The following DEK variants were observed in gnomAD, a reference collection of about 807,000 sequenced individuals.
DEK encodes the protein DEK proto-oncogene.
Under a neutral mutation model 46.8 loss-of-function variants are expected in DEK, and 28 were observed. The ratio of observed to expected loss-of-function variants is 0.60; its 90% CI spans 0.44 to 0.82. The LOEUF (loss-of-function observed/expected upper bound fraction) is 0.82, where lower values mean the gene tolerates loss of function less well. Among genes scored for constraint, DEK ranks in the 40% least tolerant of loss-of-function variants. The pLI is 0.00. For synonymous variants in DEK, 160 were observed against 144.5 expected (o/e 1.11, Z -0.77); for missense variants, 416 against 430.6 (o/e 0.97, Z 0.30).
At chr6:18,250,568 C>CTTTT (rs70974716) in intron 6 of DEK, among the ~76,000 whole-genome samples, 12 of 62,846 alleles carry the variant, frequency 1.9e-4, no homozygotes, top group Admixed American at 7.8e-4. Flanking sequence ...GGAGAAAAAC[C>CTTTT]TTTTTTTTTT....
intron 7 of DEK, among the ~76,000 whole-genome samples, chr6:18,245,636 G>T (rs1298312601): frequency 6.6e-6 from 1 of 152,196 alleles, no homozygotes; most frequent in African/African-American, 2.4e-5. Context: ...TGTTAGAATT[G>T]TTTTCTCCAA....
intron 9 of DEK, among the ~76,000 whole-genome samples, chr6:18,228,707 CG>C (rs1482145203): frequency 6.6e-6 from 1 of 152,210 alleles, no homozygotes; most frequent in Non-Finnish European, 1.5e-5. Context: ...TCTTAGCAAA[CG>C]GGACACCAGG....
chr6:18,227,984 A>C (rs1790214210), intron 9 of DEK, among the ~76,000 whole-genome samples: 1 of 152,098 alleles, frequency 6.6e-6, no homozygotes, highest in Non-Finnish European at 1.5e-5. Context: ...TGTACTCCTA[A>C]AATTTGACTA....
intron 6 of DEK, among the ~76,000 whole-genome samples, chr6:18,251,684 G>C (rs1791380510): frequency 6.6e-6 from 1 of 152,152 alleles, no homozygotes; most frequent in African/African-American, 2.4e-5. Context: ...TTCTTTGATA[G>C]CACCGTTTGG....
rs141468343 is a variant in DEK at position 18,247,880 on chromosome 6, G to A, written c.762+1771C>T. 3.8e-3 allele frequency among the ~76,000 whole-genome samples: 579 copies of A among 152,056 alleles called. 7 individuals carry two copies. The highest frequency in any genetic ancestry group is 0.013 in the African/African-American group (553 of 41,488). ...AGAGGCAGGGTTTCACCATGTTGGT[G>A]AGGCTGGTCTCGAACTCCTGACCTC... On this transcript the variant is annotated intron_variant, in intron 7 of 10. Transcript: ENST00000652689.
rs766583122 is a variant in DEK, at chr6:18,237,474, C to G, written c.805G>C (p.Ala269Pro). ...TAKREKPKQK[A>P]TSKSKKSVKS... ...ACAGATTTTTTACTTTTAGAAGTAG[C>G]TTTCTGTTTAGGTTTTTCTCTTTTG... The change falls in exon 8 of 11, where the codon GCT (alanine) becomes CCT (proline). Residue 269 changes from alanine to proline, a missense_variant. By Grantham distance (27) the Ala-to-Pro change is conservative. Coordinates refer to ENST00000652689, the MANE Select transcript of DEK (RefSeq NM_003472.4). 1 of 1,609,434 alleles carries G rather than the reference C, an allele frequency of 6.2e-7. No homozygotes were observed. Among genetic ancestry groups the G allele is most frequent in the Non-Finnish European group, 8.5e-7 (1 of 1,178,898 alleles).
Position 18,263,998 on chromosome 6 carries a change from T to C in DEK, c.-9-2A>G. The C allele has an allele frequency of 3.1e-6, 5 of 1,592,450 alleles. No homozygotes were observed. Among genetic ancestry groups the C allele is most frequent in the Non-Finnish European group, 4.3e-6 (5 of 1,169,976 alleles). ...GGCCGAGGCGGACATGCTGTGAACC[T>C]GCATGCGGGAAGAAAGCCGGACGTC... On this transcript the variant is annotated splice_acceptor_variant, in intron 1 of 10. Coordinates refer to ENST00000652689, the MANE Select transcript of DEK (RefSeq NM_003472.4). LOFTEE classifies it low-confidence loss of function (5UTR_SPLICE).
intron 9 of DEK, among the ~76,000 whole-genome samples, chr6:18,229,346 A>G (rs566147815): frequency 1.5e-4 from 23 of 152,366 alleles, no homozygotes; most frequent in African/African-American, 5.3e-4. Flanking sequence ...AAAGGAACAC[A>G]GCTCCTCGCC....
Position 18,224,241 on chromosome 6 carries a change from A to AATT in DEK, c.*1475_*1477dup, listed in dbSNP as rs1426016737. ...GAACAAATATTTAAAATCGAAGGCC[A>AATT]ATTATTAGGTCTCATTTAGTTGCTT... is the stretch of plus-strand genomic sequence containing the variant. On this transcript the variant is annotated 3_prime_UTR_variant, in exon 11 of 11. Transcript: ENST00000652689. The AATT allele has an allele frequency of 1.1e-5, 2 of 179,932 alleles. No individual in the cohort carries two copies. The highest frequency in any genetic ancestry group is 1.3e-4 in the Admixed American group (2 of 15,900). 11.1% of individuals were successfully genotyped at this position (179,932 alleles called of 1,614,324 possible).
At chr6:18,239,831 A>G (rs1440806292) in intron 7 of DEK, among the ~76,000 whole-genome samples, 9 of 152,332 alleles carry the variant, frequency 5.9e-5, no homozygotes, top group South Asian at 4.1e-4. Context: ...TGTGAACTAT[A>G]TATTAGGCTC....
At position 18,264,512 on chromosome 6, in the gene DEK, G is replaced by C. The variant is rs746907689; in HGVS notation, c.-137C>G. ...GCGTGACGCTCGCGCCGCGCGCTCG[G>C]CTCCCCAGAATCAACAAGATTTTCA... On this transcript the variant is annotated 5_prime_UTR_variant, in exon 1 of 11. Coordinates refer to ENST00000652689, the MANE Select transcript of DEK (RefSeq NM_003472.4). 2 of 243,456 alleles carry C rather than the reference G, an allele frequency of 8.2e-6. No individual in the cohort carries two copies. The highest frequency in any genetic ancestry group is 1.7e-5 in the Non-Finnish European group (2 of 120,600). 15.1% of individuals were successfully genotyped at this position (243,456 alleles called of 1,614,324 possible).
At chr6:18,246,105 G>C (rs993835006) in intron 7 of DEK, among the ~76,000 whole-genome samples, 3 of 152,168 alleles carry the variant, frequency 2.0e-5, no homozygotes, top group African/African-American at 7.2e-5. Context: ...TATTAACAGC[G>C]TGAGAAAGGA....
chr6:18,226,243 C>A lies in DEK; in HGVS notation c.1048-1G>T. Reference sequence around the variant, plus strand: ...CATAAGTAGGATAATTTTCATAGACCTATGTATAGTGAAAAGGAAAAATAA... The same window carrying A: ...CATAAGTAGGATAATTTTCATAGACATATGTATAGTGAAAAGGAAAAATAA... On this transcript the variant is annotated splice_acceptor_variant, in intron 9 of 10. Coordinates refer to ENST00000652689, the MANE Select transcript of DEK (RefSeq NM_003472.4). LOFTEE classifies it high-confidence loss of function. The A allele has an allele frequency of 1.5e-6, 2 of 1,344,782 alleles. No individual in the cohort carries two copies. The highest frequency in any genetic ancestry group is 1.5e-5 in the South Asian group (1 of 67,792). The allele number at this position is 1,344,782 out of a possible 1,614,324, so 83.3% of individuals were successfully genotyped here.
At chr6:18,243,967 CTG>C (rs1162030186) in intron 7 of DEK, among the ~76,000 whole-genome samples, 1 of 152,138 alleles carries the variant, frequency 6.6e-6, no homozygotes, top group African/African-American at 2.4e-5. Context: ...ACGTACGACT[CTG>C]TCTCAAAAAT....
chr6:18,258,522 C>T, intron 2 of DEK, 117 bp from the exon 3 acceptor site: 1 of 676,850 alleles, frequency 1.5e-6, no homozygotes, highest in Non-Finnish European at 2.3e-6. Context: ...TTCTTCTGAG[C>T]ATGGTTTTGG....
chr6:18,261,438 G>GGCATATGCCACCACATATGCCT (rs1189777037), intron 2 of DEK, among the ~76,000 whole-genome samples: 1 of 152,142 alleles, frequency 6.6e-6, no homozygotes, highest in African/African-American at 2.4e-5. Context: ...CAGCTGTGGT[G>GGCATATGCCACCACATATGCCT]GCATATGCCT....
intron 2 of DEK, among the ~76,000 whole-genome samples, chr6:18,263,603 G>A (rs138457374): frequency 4.4e-4 from 67 of 152,074 alleles, no homozygotes; most frequent in African/African-American, 1.6e-3. Context: ...ACGAGAAGTC[G>A]GCTGCACTCC....
chr6:18,252,130 G>C (rs1791402362), intron 6 of DEK, among the ~76,000 whole-genome samples: 1 of 151,878 alleles, frequency 6.6e-6, no homozygotes, highest in Admixed American at 6.6e-5. Context: ...TAGAAGGATA[G>C]GAAAGCAATC....
intron 9 of DEK, among the ~76,000 whole-genome samples, chr6:18,232,081 A>C (rs571415044): frequency 3.9e-4 from 60 of 152,356 alleles, no homozygotes; most frequent in African/African-American, 1.4e-3. Flanking sequence ...AACAAACGTA[A>C]TCCATCATAT....
Sources: gnomAD v4.1 joint callset for allele counts (sites outside exome capture counted in the v4.1 genomes callset) on GRCh38, gnomAD v4.1.1 for gene constraint, MANE v1.5 for transcripts, NCBI Gene and HGNC (gene_info 2026-07-23, HGNC 2026-07-21) for gene names.